The following FHIP1B variants were observed in gnomAD, a reference collection of about 807,000 sequenced individuals.
FHIP1B encodes FHF complex subunit HOOK interacting protein 1B.
FHIP1B carries 28 observed loss-of-function variants against 82.2 expected under a neutral mutation model. The observed-to-expected ratio is 0.34, with a 90% CI of 0.25 to 0.47. The LOEUF is 0.47. Among genes scored for constraint, FHIP1B ranks in the 20% least tolerant of loss-of-function variants. The pLI is 1.00. For missense variants in FHIP1B, 1,110 were observed against 1,262.6 expected (o/e 0.88, Z 1.83); for synonymous variants, 585 against 516.1 (o/e 1.13, Z -1.81).
intron 6 of FHIP1B, 47 bp from the exon 7 acceptor site, chr11:6,219,097 C>G (rs1192493984): frequency 6.1e-6 from 9 of 1,471,146 alleles, no homozygotes; most frequent in Non-Finnish European, 8.4e-6. Flanking sequence ...GAGCTCTCTG[C>G]CCTCCAAGCC....
chr11:6,232,727 T>C (rs1161441730), intron 1 of FHIP1B, among the ~76,000 whole-genome samples: 1 of 152,242 alleles, frequency 6.6e-6, no homozygotes, highest in Non-Finnish European at 1.5e-5. Context: ...TATAAATGTA[T>C]GCTTCCTCAA....
At chr11:6,211,973 G>C (rs749705132) in intron 11 of FHIP1B, 106 bp from the exon 12 acceptor site, 34 of 1,439,838 alleles carry the variant, frequency 2.4e-5, no homozygotes, top group Non-Finnish European at 3.0e-5. Context: ...TCTCCTTTAG[G>C]GTTCTGAGGA....
In FHIP1B at chr11:6,217,797, G is replaced by C. The variant is rs1320701937; in HGVS notation, c.1789C>G (p.Leu597Val). ...PFGSRTKKRS[L>V]LPEEDRNNVG... ...TTGTTCCTGTCCTCCTCAGGCAGTA[G>C]GCTGCGTTTCTTAGTCCGGGAGCCA... The change falls in exon 9 of 12, where the codon CTA (leucine) becomes GTA (valine). Residue 597 changes from leucine to valine, a missense_variant. Transcript: ENST00000449352. 6.2e-7 allele frequency: 1 copy of C among 1,611,686 alleles called. No individual in the cohort carries two copies. The highest frequency in any genetic ancestry group is 8.5e-7 in the Non-Finnish European group (1 of 1,178,814).
chr11:6,220,171 A>G (rs1343084848), intron 6 of FHIP1B, among the ~76,000 whole-genome samples: 2 of 152,184 alleles, frequency 1.3e-5, no homozygotes, highest in African/African-American at 4.8e-5. Flanking sequence ...AGATCCATAG[A>G]TATCTATTAT....
intron 1 of FHIP1B, among the ~76,000 whole-genome samples, chr11:6,232,542 A>G (rs143624532): frequency 6.6e-6 from 1 of 152,344 alleles, no homozygotes; most frequent in Admixed American, 6.5e-5. Flanking sequence ...TTCTGGGTTC[A>G]GCCTTGCCAC....
At chr11:6,219,368 G>C (rs1225887296) in intron 6 of FHIP1B, among the ~76,000 whole-genome samples, 4 of 152,218 alleles carry the variant, frequency 2.6e-5, no homozygotes, top group African/African-American at 9.6e-5. Flanking sequence ...CATGAGAAGA[G>C]ACTAAGAAAT....
At position 6,223,370 on chromosome 11, in the gene FHIP1B, A is replaced by G. The variant is rs1038060952; in HGVS notation, c.778-132T>C. The stretch of plus-strand genomic sequence containing the variant: ...CTATTACCAAAGCAAGCATTTGCCT[A>G]CCCAATGTGCCTGAAACTCACCTAG... On this transcript the variant is annotated intron_variant, in intron 3 of 11. Transcript: ENST00000449352. This position sits in a 1 kb window ranked among gnomAD's most constrained non-coding sequence, Gnocchi z 4.8. 1.1e-5 allele frequency: 12 copies of G among 1,085,652 alleles called. No individual in the cohort carries two copies. The highest frequency in any genetic ancestry group is 2.9e-5 in the Admixed American group (1 of 34,210). The allele number at this position is 1,085,652 out of a possible 1,614,324, so 67.3% of individuals were successfully genotyped here.
Position 6,223,328 on chromosome 11 carries a change from G to A in FHIP1B, c.778-90C>T, listed in dbSNP as rs923746169. On this transcript the variant is annotated intron_variant, in intron 3 of 11. Transcript: ENST00000449352. The surrounding 1 kb of genome is among the most constrained non-coding windows in gnomAD (Gnocchi z 4.8). The stretch of plus-strand genomic sequence containing the variant: ...GGAGCTAGTAATCCAGAGTTTTGAT[G>A]GGAATAGGGGTATAAGCTATTACCA... 6.7e-6 allele frequency: 9 copies of A among 1,334,364 alleles called. No individual in the cohort carries two copies. In the Admixed American group the frequency reaches 9.7e-5, roughly 14 times the overall value. 82.7% of individuals were successfully genotyped at this position (1,334,364 alleles called of 1,614,324 possible).
chr11:6,216,985 C>T (rs918789841), intron 9 of FHIP1B: 3 of 653,232 alleles, frequency 4.6e-6, no homozygotes, highest in Admixed American at 4.3e-5. Context: ...TTAGGTGCCT[C>T]TCCATACAGG....
chr11:6,230,661 C>A (rs1006222058), intron 1 of FHIP1B, among the ~76,000 whole-genome samples: 3 of 152,184 alleles, frequency 2.0e-5, no homozygotes, highest in Non-Finnish European at 4.4e-5. Context: ...AAAAGTGAAC[C>A]TCTATTCTAC....
chr11:6,214,976 C>A, intron 9 of FHIP1B, 65 bp from the exon 10 acceptor site: 2 of 1,409,250 alleles, frequency 1.4e-6, no homozygotes, highest in Non-Finnish European at 1.9e-6. Context: ...CGCACGCATT[C>A]CTCCCCAAAA....
rs367742077 is a variant in FHIP1B, at chr11:6,218,646, G to C, written c.1389C>G (p.His463Gln). 1 of 1,614,044 alleles carries C rather than the reference G, an allele frequency of 6.2e-7. No individual in the cohort carries two copies. The highest frequency in any genetic ancestry group is 1.3e-5 in the African/African-American group (1 of 74,910). ...CTGGACGAGGTGGGCTGGGGGCGTG[G>C]TGCCGACAACAGCGTGGGATTAGGG... ...FLSLIPRCCRHHAPSPPRPEH... is the reference protein window; with the variant it reads ...FLSLIPRCCRQHAPSPPRPEH... Residue 463 changes from histidine (H) to glutamine (Q), a missense_variant, in exon 8 of 12, where the codon CAC becomes CAG. His to Gln is a conservative substitution (Grantham distance 24, BLOSUM62 0). Coordinates refer to ENST00000449352, the MANE Select transcript of FHIP1B (RefSeq NM_001098794.2).
At chr11:6,217,213 T>A (rs1439482038) in intron 9 of FHIP1B, 158 bp downstream of exon 9, 1 of 731,188 alleles carries the variant, frequency 1.4e-6, no homozygotes, top group Admixed American at 2.0e-5. Flanking sequence ...GACACAAGTA[T>A]GACATGACAC....
Position 6,211,734 on chromosome 11 carries a change from G to T in FHIP1B, c.2691C>A (p.Ser897=). ...GTAGAACTGGAGTTGAAGCCCCAGG[G>T]GAGCCCCCACTTAGGCCAAGTCCTG... ...DGAGLGLSGG[S]PGASTPVLLT... The change falls in exon 12 of 12, where the codon TCC becomes TCA. Residue 897 remains serine, a synonymous_variant. Transcript: ENST00000449352. The T allele has an allele frequency of 6.2e-7, 1 of 1,614,206 alleles. No homozygotes were observed. The highest frequency in any genetic ancestry group is 8.5e-7 in the Non-Finnish European group (1 of 1,180,024).
In FHIP1B at chr11:6,219,065, G is replaced by A. The variant is rs201559383; in HGVS notation, c.1192-15C>T. The stretch of plus-strand genomic sequence containing the variant: ...ACCATGCAGAGCTGGGGGGGTGGAG[G>A]GGAGGGAGGGAGTCACCATAAGAGC... On this transcript the variant is annotated splice_polypyrimidine_tract_variant and intron_variant, in intron 6 of 11. Transcript: ENST00000449352. 2.5e-6 allele frequency: 4 copies of A among 1,584,406 alleles called. No individual in the cohort carries two copies. Among genetic ancestry groups the A allele is most frequent in the Middle Eastern group, 1.7e-4 (1 of 5,854 alleles).
chr11:6,229,976 CAA>C (rs59413930), intron 1 of FHIP1B, among the ~76,000 whole-genome samples: 14 of 92,024 alleles, frequency 1.5e-4, no homozygotes, highest in Admixed American at 2.3e-4. Flanking sequence ...TAGCAAAGTC[CAA>C]AAAAAAAAAA....
In FHIP1B at chr11:6,213,418, G is replaced by A. The variant is rs534052091; in HGVS notation, c.2557+993C>T. 2.0e-5 allele frequency among the ~76,000 whole-genome samples: 3 copies of A among 152,242 alleles called. No homozygotes were observed. In the South Asian group the frequency reaches 6.2e-4, roughly 32 times the overall value. On this transcript the variant is annotated intron_variant, in intron 11 of 11. Coordinates refer to ENST00000449352, the MANE Select transcript of FHIP1B (RefSeq NM_001098794.2). ...TTCCTCAAAGGGAGAAAAACAAAAA[G>A]CCTTTTCCTGTCCAAAGTTAATCTT...
intron 6 of FHIP1B, among the ~76,000 whole-genome samples, chr11:6,219,287 T>C (rs16910305): frequency 0.099 from 15,068 of 152,224 alleles, 1,347 homozygotes; most frequent in African/African-American, 0.24. Flanking sequence ...TCAGACCCAA[T>C]GGACTTCTAT....
chr11:6,215,031 G>A, intron 9 of FHIP1B, 120 bp from the exon 10 acceptor site: 1 of 1,021,882 alleles, frequency 9.8e-7, no homozygotes, highest in Non-Finnish European at 1.3e-6. Flanking sequence ...GTCAGCCTCT[G>A]GGTATGTTTA....
Sources: allele counts gnomAD v4.1 joint callset (sites outside exome capture counted in the v4.1 genomes callset), GRCh38; gene constraint gnomAD v4.1.1; non-coding constraint Gnocchi (gnomAD v3.1); transcripts MANE v1.5; gene names NCBI Gene and HGNC (gene_info 2026-07-23, HGNC 2026-07-21).